The following PRKG1 variants were observed in gnomAD, a reference collection of about 807,000 sequenced individuals.
PRKG1 encodes cGMP-dependent protein kinase 1.
In PRKG1, 35 loss-of-function variants were observed where a neutral mutation model predicts 88.1. The ratio of observed to expected loss-of-function variants is 0.40; its 90% confidence interval spans 0.30 to 0.53. The LOEUF is 0.53. PRKG1 is among the 20% of genes least tolerant of loss of function. PRKG1 has a pLI of 0.59. For synonymous variants in PRKG1, 303 were observed against 292.5 expected (o/e 1.04, Z -0.37); for missense variants, 540 against 839.8 (o/e 0.64, Z 4.41).
intron 1 of PRKG1, among the ~76,000 whole-genome samples, chr10:51,037,804 T>C (rs2132754067): frequency 6.6e-6 from 1 of 151,896 alleles, no homozygotes; most frequent in South Asian, 2.1e-4. Flanking sequence ...AATTAAAAAA[T>C]ATTTCAGGCC....
intron 3 of PRKG1, among the ~76,000 whole-genome samples, chr10:51,544,871 A>G (rs1156417660): frequency 6.6e-6 from 1 of 152,212 alleles, no homozygotes; most frequent in African/African-American, 2.4e-5. Flanking sequence ...AAATTGGGCA[A>G]AGGATATGAA....
intron 3 of PRKG1, among the ~76,000 whole-genome samples, chr10:51,662,730 G>A (rs1840330186): frequency 6.6e-6 from 1 of 152,126 alleles, no homozygotes; most frequent in Non-Finnish European, 1.5e-5. Context: ...AATTCTTACT[G>A]AAGGATTAAG....
intron 5 of PRKG1, among the ~76,000 whole-genome samples, chr10:52,011,031 C>G (rs1020904465): frequency 2.5e-4 from 38 of 152,192 alleles, no homozygotes; most frequent in African/African-American, 8.9e-4. Flanking sequence ...TTGGACAGTT[C>G]TCTTAGCTCT....
chr10:51,099,849 A>C (rs958446734), intron 1 of PRKG1, among the ~76,000 whole-genome samples: 12 of 152,180 alleles, frequency 7.9e-5, no homozygotes, highest in Admixed American at 3.3e-4. Context: ...TTGGCTCATC[A>C]TGAGCCCGTT....
chr10:51,944,562 G>T (rs1188398014), intron 5 of PRKG1, among the ~76,000 whole-genome samples: 3 of 151,918 alleles, frequency 2.0e-5, no homozygotes, highest in African/African-American at 7.3e-5. Context: ...GTCAATTTTG[G>T]ATCTTTCCTG....
chr10:51,599,664 G>C (rs911583771), intron 3 of PRKG1, among the ~76,000 whole-genome samples: 11 of 152,032 alleles, frequency 7.2e-5, no homozygotes, highest in African/African-American at 2.7e-4. Context: ...TTAAAACCAG[G>C]AAAAATTAAG....
chr10:51,340,643 G>A (rs1841984023), intron 2 of PRKG1, among the ~76,000 whole-genome samples: 1 of 152,114 alleles, frequency 6.6e-6, no homozygotes, highest in Non-Finnish European at 1.5e-5. Flanking sequence ...TCACTCCTAA[G>A]CCAAACCAAT....
intron 1 of PRKG1, among the ~76,000 whole-genome samples, chr10:51,112,623 T>G (rs985126246): frequency 2.0e-5 from 3 of 152,176 alleles, no homozygotes; most frequent in Non-Finnish European, 2.9e-5. Context: ...CTGGATGTAT[T>G]ATGGAAATAG....
chr10:51,490,590 C>T (rs1840679391), intron 3 of PRKG1, among the ~76,000 whole-genome samples: 1 of 152,056 alleles, frequency 6.6e-6, no homozygotes, highest in Non-Finnish European at 1.5e-5. Flanking sequence ...TAGAGGTTAA[C>T]TAGCCTGTCA....
chr10:52,081,027 C>T (rs1002553082), intron 7 of PRKG1, among the ~76,000 whole-genome samples: 17 of 152,150 alleles, frequency 1.1e-4, no homozygotes, highest in Admixed American at 9.2e-4. Flanking sequence ...GTGTTCAGTC[C>T]GGCTTCCTTC....
chr10:51,485,409 G>A (rs368986420), intron 3 of PRKG1, among the ~76,000 whole-genome samples: 6 of 152,150 alleles, frequency 3.9e-5, no homozygotes, highest in African/African-American at 9.7e-5. Flanking sequence ...TGGTTAGACA[G>A]AACTCATTTG....
At chr10:52,148,001 G>A (rs749039040) in intron 8 of PRKG1, among the ~76,000 whole-genome samples, 2 of 152,102 alleles carry the variant, frequency 1.3e-5, no homozygotes, top group East Asian at 1.9e-4. Flanking sequence ...GAAGGTCATC[G>A]GCCTGGGGAT....
chr10:52,055,343 G>A (rs1289830650), intron 6 of PRKG1, among the ~76,000 whole-genome samples: 1 of 152,104 alleles, frequency 6.6e-6, no homozygotes, highest in Non-Finnish European at 1.5e-5. Flanking sequence ...AATGTTTTAA[G>A]TTATTTTCAT....
At chr10:52,008,325 C>T (rs1162190743) in intron 5 of PRKG1, among the ~76,000 whole-genome samples, 3 of 151,944 alleles carry the variant, frequency 2.0e-5, no homozygotes, top group African/African-American at 7.2e-5. Context: ...CATAATACAT[C>T]AACAGATGTA....
intron 3 of PRKG1, among the ~76,000 whole-genome samples, chr10:51,637,748 A>G (rs924163461): frequency 2.0e-5 from 3 of 152,152 alleles, no homozygotes; most frequent in Non-Finnish European, 4.4e-5. Context: ...GGGGGAAACT[A>G]CACACACTGG....
intron 3 of PRKG1, chr10:51,699,681 TCCGCTTGCC>T: frequency 9.8e-7 from 1 of 1,020,158 alleles, no homozygotes. Flanking sequence ...CTTGAATCGT[TCCGCTTGCC>T]TGTGGAACCT....
chr10:51,381,872 T>G (rs771157976), intron 2 of PRKG1, among the ~76,000 whole-genome samples: 2 of 152,216 alleles, frequency 1.3e-5, no homozygotes, highest in Non-Finnish European at 2.9e-5. Context: ...CATTGTTGAT[T>G]GCTGAGAGCT....
At position 51,819,078 on chromosome 10, in the gene PRKG1, A is replaced by G. The variant is rs750833176; in HGVS notation, c.698+14388A>G. 1.1e-4 allele frequency among the ~76,000 whole-genome samples: 16 copies of G among 144,618 alleles called. No individual in the cohort carries two copies. The South Asian group carries it at 2.1e-3, about 19-fold the overall frequency. The allele number at this position is 144,618 out of a possible 152,430, so 94.9% of individuals were successfully genotyped here. ...AGGCTGGATAAATTATAAAGAAAAG[A>G]GGTTTATTTGACTCATGGTTCTCCA... On this transcript the variant is annotated intron_variant, in intron 4 of 17. Transcript: ENST00000373980.
chr10:52,056,905 A>G (rs1337328069), intron 6 of PRKG1, among the ~76,000 whole-genome samples: 1 of 152,164 alleles, frequency 6.6e-6, no homozygotes, highest in East Asian at 1.9e-4. Context: ...CAGCATACTT[A>G]AGTCCCAATG....
Sources: gnomAD v4.1 joint callset for allele counts (sites outside exome capture counted in the v4.1 genomes callset) on GRCh38, gnomAD v4.1.1 for gene constraint, MANE v1.5 for transcripts, NCBI Gene and HGNC (gene_info 2026-07-23, HGNC 2026-07-21) for gene names.